Variants in AKAP13 observed in about 807,000 individuals in gnomAD.
AKAP13 encodes the protein A-kinase anchor protein 13.
In AKAP13, 80 loss-of-function variants were observed where a neutral mutation model predicts 264.5. The observed-to-expected ratio is 0.30, with a 90% CI of 0.25 to 0.36. The LOEUF is 0.36. AKAP13 is among the 10% of genes least tolerant of loss of function. The pLI is 1.00. For missense variants in AKAP13, 3,712 were observed against 3,435.2 expected (o/e 1.08, Z -2.01); for synonymous variants, 1,380 against 1,250.2 (o/e 1.10, Z -2.19).
At chr15:85,702,021 G>A (rs2085945989) in intron 17 of AKAP13, 1 of 152,050 alleles carries the variant, frequency 6.6e-6, no homozygotes, top group Admixed American at 6.6e-5. Context: ...CAAGGCAGGT[G>A]GATCACGAGA....
At position 85,746,047 on chromosome 15, in the gene AKAP13, C is replaced by G. The variant is rs1038906888; in HGVS notation, c.*1370C>G. The G allele has an allele frequency of 1.3e-5, 2 of 152,274 alleles. No individual in the cohort carries two copies. Among genetic ancestry groups the G allele is most frequent in the African/African-American group, 2.4e-5 (1 of 41,420 alleles). 9.4% of individuals were successfully genotyped at this position (152,274 alleles called of 1,614,324 possible). On this transcript the variant is annotated 3_prime_UTR_variant, in exon 37 of 37. Coordinates refer to ENST00000394518, the MANE Select transcript of AKAP13 (RefSeq NM_007200.5). ...CAGGACAGTTCATGGTAATGTTGCC[C>G]TCTGAGGCCCCGTACACCAGAAGGG...
chr15:85,641,122 T>A (rs1421219414), intron 9 of AKAP13, among the ~76,000 whole-genome samples: 1 of 152,080 alleles, frequency 6.6e-6, no homozygotes, highest in Non-Finnish European at 1.5e-5. Flanking sequence ...ACACACTTCC[T>A]CAAGAGAGCA....
intron 16 of AKAP13, among the ~76,000 whole-genome samples, chr15:85,688,576 C>G (rs338551): frequency 0.081 from 12,274 of 152,054 alleles, 834 homozygotes; most frequent in East Asian, 0.38. Flanking sequence ...AGTGATTAAC[C>G]TAGATATATT....
chr15:85,707,630 C>A (rs2086374483), intron 17 of AKAP13, among the ~76,000 whole-genome samples: 1 of 152,198 alleles, frequency 6.6e-6, no homozygotes, highest in African/African-American at 2.4e-5. Context: ...GGTAGCCTCT[C>A]AGCTTCCTGT....
chr15:85,383,207 A>G (rs2070382446), intron 1 of AKAP13, among the ~76,000 whole-genome samples: 1 of 152,166 alleles, frequency 6.6e-6, no homozygotes, highest in South Asian at 2.1e-4. Flanking sequence ...AAATTATTAA[A>G]ATTGTTGGAC....
At chr15:85,459,354 T>C in intron 1 of AKAP13, among the ~76,000 whole-genome samples, 1 of 137,308 alleles carries the variant, frequency 7.3e-6, no homozygotes, top group South Asian at 2.3e-4. Flanking sequence ...CCCGGCTAAT[T>C]TTTTTTTTTT....
At chr15:85,677,959 C>T (rs2008916) in intron 14 of AKAP13, among the ~76,000 whole-genome samples, 28,477 of 152,074 alleles carry the variant, frequency 0.19, 3,536 homozygotes, top group Middle Eastern at 0.41. Context: ...GAGTTATATA[C>T]GTATTTATCT....
At chr15:85,552,249 C>T (rs2077983100) in intron 5 of AKAP13, among the ~76,000 whole-genome samples, 1 of 152,158 alleles carries the variant, frequency 6.6e-6, no homozygotes, top group Admixed American at 6.5e-5. Context: ...ATTCATTAAA[C>T]AGCATATACA....
chr15:85,700,280 A>T (rs2085833817), intron 17 of AKAP13, among the ~76,000 whole-genome samples: 1 of 152,178 alleles, frequency 6.6e-6, no homozygotes, highest in Admixed American at 6.5e-5. Context: ...TCCTAAGCCC[A>T]TTTTTGCTTT....
At chr15:85,512,272 C>T (rs1439280538) in intron 2 of AKAP13, among the ~76,000 whole-genome samples, 2 of 152,156 alleles carry the variant, frequency 1.3e-5, no homozygotes, top group African/African-American at 4.8e-5. Context: ...AATTGCACAT[C>T]TCTCTGACTT....
chr15:85,669,462 G>C (rs942152132), intron 13 of AKAP13, among the ~76,000 whole-genome samples: 1 of 152,168 alleles, frequency 6.6e-6, no homozygotes, highest in African/African-American at 2.4e-5. Context: ...CCACTGTAAA[G>C]AATGGATACT....
chr15:85,693,352 G>A lies in AKAP13; in HGVS notation c.5365G>A (p.Val1789Ile). 2 of 1,613,974 alleles carry A rather than the reference G, an allele frequency of 1.2e-6. No homozygotes were observed. The highest frequency in any genetic ancestry group is 1.7e-6 in the Non-Finnish European group (2 of 1,179,980). Residue 1789 changes from valine to isoleucine, a missense_variant, in exon 17 of 37, where the codon GTC (valine) becomes ATC (isoleucine). This residue lies in a region of AKAP13 where 2,759 missense variants were observed against 2,411.7 expected (regional missense o/e 1.14). Transcript: ENST00000394518. ...SKDKEKDKKT[V>I]NGHTFSSIPV... ...AGACAAGGAGAAAGATAAGAAGACTGTCAACGGGCACACTTTCAGTTCCAT... is the reference window on the plus strand; with the variant it reads ...AGACAAGGAGAAAGATAAGAAGACTATCAACGGGCACACTTTCAGTTCCAT...
intron 10 of AKAP13, among the ~76,000 whole-genome samples, chr15:85,647,606 CATTGTCACTCA>C (rs2082614229): frequency 6.6e-6 from 1 of 151,910 alleles, no homozygotes; most frequent in African/African-American, 2.4e-5. Flanking sequence ...GGATTTCTAT[CATTGTCACTCA>C]TAGTGACTTG....
intron 5 of AKAP13, among the ~76,000 whole-genome samples, chr15:85,572,622 G>A (rs968012070): frequency 1.3e-5 from 2 of 151,902 alleles, no homozygotes; most frequent in Admixed American, 6.6e-5. Context: ...GCCAGTACAT[G>A]ATTTTCCATT....
At chr15:85,479,999 G>A (rs1278588229) in intron 1 of AKAP13, among the ~76,000 whole-genome samples, 1 of 152,120 alleles carries the variant, frequency 6.6e-6, no homozygotes, top group Non-Finnish European at 1.5e-5. Context: ...CAGTTGTGAT[G>A]TATTGAATGA....
rs577102037 is a variant in AKAP13, at chr15:85,462,796, G to A, written c.-11-22914G>A. ...TCCCAGCACTTTGGGAGGCCGAGGC[G>A]GGCGGATCACGAGGTCAGGAGATCG... On this transcript the variant is annotated intron_variant, in intron 1 of 36. Coordinates refer to ENST00000394518, the MANE Select transcript of AKAP13 (RefSeq NM_007200.5). Among the ~76,000 whole-genome samples, 10 of 151,726 alleles carry A rather than the reference G, an allele frequency of 6.6e-5. No homozygotes were observed. The South Asian group carries it at 1.2e-3, about 19-fold the overall frequency.
At chr15:85,411,841 A>T (rs1346196983) in intron 1 of AKAP13, among the ~76,000 whole-genome samples, 1 of 152,232 alleles carries the variant, frequency 6.6e-6, no homozygotes, top group African/African-American at 2.4e-5. Context: ...CTTCTTGAAA[A>T]TAAAGCAAGC....
At chr15:85,729,848 A>G (rs2087867455) in intron 29 of AKAP13, among the ~76,000 whole-genome samples, 1 of 152,190 alleles carries the variant, frequency 6.6e-6, no homozygotes, top group Non-Finnish European at 1.5e-5. Flanking sequence ...AGGCAGGAGA[A>G]TCGCTTAATC....
At chr15:85,604,466 CTT>C (rs781662004) in intron 8 of AKAP13, among the ~76,000 whole-genome samples, 35 of 139,952 alleles carry the variant, frequency 2.5e-4, no homozygotes, top group Admixed American at 2.9e-4. Context: ...GCTGCTGCTG[CTT>C]TTTTTTTTTT....
Sources: gnomAD v4.1 joint callset for allele counts (sites outside exome capture counted in the v4.1 genomes callset) on GRCh38, gnomAD v4.1.1 for gene constraint, gnomAD v4.1.1 regional missense constraint, MANE v1.5 for transcripts, NCBI Gene and HGNC (gene_info 2026-07-23, HGNC 2026-07-21) for gene names.